Variants in BMP8A observed in about 807,000 individuals in gnomAD.
BMP8A encodes the protein BMP-8A.
BMP8A carries 14 observed loss-of-function variants against 36.8 expected under a neutral mutation model. The ratio of observed to expected loss-of-function variants is 0.38; its 90% CI spans 0.25 to 0.60. The LOEUF (loss-of-function observed/expected upper bound fraction) is 0.60. Among genes scored for constraint, BMP8A ranks in the 20% least tolerant of loss-of-function variants. The pLI is 0.63. For synonymous variants in BMP8A, 120 were observed against 237.7 expected (o/e 0.50, Z 4.55); for missense variants, 267 against 551.1 (o/e 0.48, Z 5.16).
chr1:39,497,881 A>G (rs1335046162), intron 1 of BMP8A, among the ~76,000 whole-genome samples: 2 of 152,010 alleles, frequency 1.3e-5, no homozygotes, highest in Non-Finnish European at 2.9e-5. Context: ...GGGGCCAACA[A>G]TGGGTGCCAT....
chr1:39,519,077 T>G (rs954181617), intron 3 of BMP8A, among the ~76,000 whole-genome samples: 22 of 108,294 alleles, frequency 2.0e-4, no homozygotes, highest in African/African-American at 8.4e-4. Flanking sequence ...TAATGCGACA[T>G]TCTATCCTGT....
At position 39,528,127 on chromosome 1, in the gene BMP8A, T is replaced by C. The variant is rs186830476; in HGVS notation, c.*2329T>C. On this transcript the variant is annotated 3_prime_UTR_variant, in exon 7 of 7. Coordinates refer to ENST00000331593, the MANE Select transcript of BMP8A (RefSeq NM_181809.4). ...ATGAATGTTTTCAAGACGCAAACGC[T>C]GCTATGCCCATCAGGTGTGCACAGC... 5.3e-5 allele frequency among the ~76,000 whole-genome samples: 8 copies of C among 152,352 alleles called. No individual in the cohort carries two copies. Among genetic ancestry groups the C allele is most frequent in the Admixed American group, 3.9e-4 (6 of 15,294 alleles).
chr1:39,523,256 C>A, intron 6 of BMP8A, 139 bp downstream of exon 6: 1 of 1,045,010 alleles, frequency 9.6e-7, no homozygotes, highest in Non-Finnish European at 1.4e-6. Flanking sequence ...TCAGTAACGT[C>A]GCTAACTTCC....
chr1:39,503,010 C>T (rs1000283572), intron 1 of BMP8A, among the ~76,000 whole-genome samples: 17 of 152,170 alleles, frequency 1.1e-4, no homozygotes, highest in African/African-American at 3.6e-4. Context: ...CATGTCATTG[C>T]ACTCCAGCCT....
intron 1 of BMP8A, among the ~76,000 whole-genome samples, chr1:39,496,895 A>G (rs1416448158): frequency 6.6e-6 from 1 of 152,236 alleles, no homozygotes; most frequent in African/African-American, 2.4e-5. Flanking sequence ...TGCTCATTCT[A>G]CAAAATTCAG....
Position 39,525,818 on chromosome 1 carries a change from C to T in BMP8A, c.*20C>T. The T allele has an allele frequency of 6.2e-7, 1 of 1,613,348 alleles. No individual in the cohort carries two copies. The highest frequency in any genetic ancestry group is 8.5e-7 in the Non-Finnish European group (1 of 1,180,006). ...CACTGAGTCAGCCCGCCCAGCCCTA[C>T]TGCAGCCACCCTTCTCATCTGGATC... On this transcript the variant is annotated 3_prime_UTR_variant, in exon 7 of 7. Coordinates refer to ENST00000331593, the MANE Select transcript of BMP8A (RefSeq NM_181809.4).
chr1:39,507,846 G>A (rs1053743965), intron 1 of BMP8A, among the ~76,000 whole-genome samples: 2 of 152,206 alleles, frequency 1.3e-5, no homozygotes, highest in Non-Finnish European at 2.9e-5. Flanking sequence ...TTTTGCAGGC[G>A]TGGACACTGA....
chr1:39,498,084 A>T (rs1437756381), intron 1 of BMP8A, among the ~76,000 whole-genome samples: 2 of 152,134 alleles, frequency 1.3e-5, no homozygotes, highest in Non-Finnish European at 2.9e-5. Flanking sequence ...TCCACATCAG[A>T]GGTCTCTATT....
At position 39,498,951 on chromosome 1, in the gene BMP8A, G is replaced by A. The variant is rs185073376; in HGVS notation, c.334+6626G>A. Among the ~76,000 whole-genome samples the A allele has an allele frequency of 1.5e-3, 232 of 152,342 alleles. 2 individuals carry two copies. The highest frequency in any genetic ancestry group is 5.2e-3 in the African/African-American group (215 of 41,600). On this transcript the variant is annotated intron_variant, in intron 1 of 6. Coordinates refer to ENST00000331593, the MANE Select transcript of BMP8A (RefSeq NM_181809.4). The stretch of plus-strand genomic sequence containing the variant: ...CCCAGCCCAAAGGGCTCTGAGTGCC[G>A]GACACTGAGCCGCTGTCCTGGGGAC...
At chr1:39,497,712 C>G (rs2124314467) in intron 1 of BMP8A, among the ~76,000 whole-genome samples, 1 of 152,270 alleles carries the variant, frequency 6.6e-6, no homozygotes, top group East Asian at 1.9e-4. Flanking sequence ...CCTGAACAAC[C>G]TGAGAACAGG....
intron 1 of BMP8A, among the ~76,000 whole-genome samples, chr1:39,497,734 C>G (rs1387931188): frequency 6.6e-6 from 1 of 152,062 alleles, no homozygotes. Flanking sequence ...CCAATTCTGA[C>G]TCTTCCCTGC....
chr1:39,515,924 A>G (rs569332), intron 3 of BMP8A: 128,899 of 1,513,730 alleles, frequency 0.085, 9,078 homozygotes, highest in Non-Finnish European at 0.098. Flanking sequence ...CAGCAACTTC[A>G]TCAGTCCCAG....
At chr1:39,492,689 A>G (rs1557683113) in intron 1 of BMP8A, among the ~76,000 whole-genome samples, 1 of 152,188 alleles carries the variant, frequency 6.6e-6, no homozygotes, top group Non-Finnish European at 1.5e-5. Flanking sequence ...TGTCACTGTG[A>G]TAAGGACAGT....
chr1:39,496,118 G>A (rs536407337), intron 1 of BMP8A, among the ~76,000 whole-genome samples: 232 of 152,326 alleles, frequency 1.5e-3, no homozygotes, highest in African/African-American at 5.3e-3. Flanking sequence ...GTGGGCCCCA[G>A]GGCCACTTCC....
chr1:39,507,120 A>C (rs534766020), intron 1 of BMP8A, among the ~76,000 whole-genome samples: 3 of 152,316 alleles, frequency 2.0e-5, no homozygotes, highest in Admixed American at 2.0e-4. Flanking sequence ...TGCTCCAAAC[A>C]TCAATGGCTC....
At chr1:39,510,849 C>CCT (rs773358222) in intron 1 of BMP8A, among the ~76,000 whole-genome samples, 9 of 152,226 alleles carry the variant, frequency 5.9e-5, no homozygotes, top group Admixed American at 3.9e-4. Context: ...GAGGCTCCCT[C>CCT]CTGTCTCATC....
At chr1:39,495,020 G>C (rs1193260100) in intron 1 of BMP8A, among the ~76,000 whole-genome samples, 1 of 151,774 alleles carries the variant, frequency 6.6e-6, no homozygotes, top group Non-Finnish European at 1.5e-5. Flanking sequence ...TGGGTGGGGC[G>C]GGGTGGGTGG....
At chr1:39,508,148 G>T (rs1369673333) in intron 1 of BMP8A, among the ~76,000 whole-genome samples, 1 of 152,036 alleles carries the variant, frequency 6.6e-6, no homozygotes, top group Non-Finnish European at 1.5e-5. Context: ...CTCCTGGGGA[G>T]GCTGAGGCAG....
rs907189198 is a variant in BMP8A, at chr1:39,524,069, A to G, written c.1059+952A>G. The stretch of plus-strand genomic sequence containing the variant: ...AATTACCAAAAGCTGCTCTGAGCCT[A>G]TGATAATACTTCCTTTCTGGGCAGT... On this transcript the variant is annotated intron_variant, in intron 6 of 6. Coordinates refer to ENST00000331593, the MANE Select transcript of BMP8A (RefSeq NM_181809.4). The surrounding 1 kb of genome is among the most constrained non-coding windows in gnomAD (Gnocchi z 4.0). 4.6e-5 allele frequency among the ~76,000 whole-genome samples: 7 copies of G among 152,106 alleles called. No homozygotes were observed. The highest frequency in any genetic ancestry group is 1.4e-4 in the African/African-American group (6 of 41,428).
Sources: gnomAD v4.1 joint callset for allele counts (sites outside exome capture counted in the v4.1 genomes callset) on GRCh38, gnomAD v4.1.1 for gene constraint, Gnocchi (gnomAD v3.1) non-coding constraint, MANE v1.5 for transcripts, NCBI Gene and HGNC (gene_info 2026-07-23, HGNC 2026-07-21) for gene names.